Variants in AIG1 observed in about 807,000 individuals in gnomAD.
AIG1 encodes androgen-induced gene 1 protein.
Under a neutral mutation model 31.4 loss-of-function variants are expected in AIG1, and 23 were observed. The observed-to-expected ratio is 0.73, with a 90% CI of 0.53 to 1.04. The LOEUF is 1.04. AIG1 is among the 50% of genes least tolerant of loss of function. The pLI, the probability that AIG1 is intolerant of heterozygous loss-of-function variation, is 0.00. For missense variants in AIG1, 274 were observed against 295.0 expected (o/e 0.93, Z 0.52); for synonymous variants, 100 against 110.5 (o/e 0.90, Z 0.60).
At chr6:143,273,128 CAA>C (rs200300066) in intron 3 of AIG1, among the ~76,000 whole-genome samples, 1 of 149,982 alleles carries the variant, frequency 6.7e-6, no homozygotes, top group African/African-American at 2.4e-5. Context: ...GACTTCGTCT[CAA>C]AAAAAAATAT....
At chr6:143,322,424 T>C (rs892563715) in intron 4 of AIG1, among the ~76,000 whole-genome samples, 2 of 152,186 alleles carry the variant, frequency 1.3e-5, no homozygotes, top group Admixed American at 1.3e-4. Context: ...TACAGTGCCT[T>C]GCTAACCACA....
At chr6:143,251,624 C>A (rs964386232) in intron 3 of AIG1, among the ~76,000 whole-genome samples, 1 of 152,148 alleles carries the variant, frequency 6.6e-6, no homozygotes, top group Non-Finnish European at 1.5e-5. Flanking sequence ...TACCTATTTG[C>A]TGAATGAATA....
At chr6:143,147,073 C>T (rs948680525) in intron 2 of AIG1, among the ~76,000 whole-genome samples, 3 of 152,140 alleles carry the variant, frequency 2.0e-5, no homozygotes, top group Non-Finnish European at 4.4e-5. Flanking sequence ...CCAGAAGTTT[C>T]CCACCAGAGA....
intron 1 of AIG1, among the ~76,000 whole-genome samples, chr6:143,082,012 G>A (rs939411529): frequency 9.2e-5 from 14 of 151,790 alleles, no homozygotes; most frequent in African/African-American, 3.2e-4. Context: ...ATCTCTTTAG[G>A]TTTCTGTACA....
At chr6:143,251,754 C>T (rs1583629741) in intron 3 of AIG1, among the ~76,000 whole-genome samples, 1 of 152,186 alleles carries the variant, frequency 6.6e-6, no homozygotes, top group South Asian at 2.1e-4. Context: ...CCATCCTGGT[C>T]CTTGGCCTTT....
intron 3 of AIG1, among the ~76,000 whole-genome samples, chr6:143,230,035 T>G (rs1012842999): frequency 6.6e-6 from 1 of 152,216 alleles, no homozygotes; most frequent in Non-Finnish European, 1.5e-5. Context: ...ATATCTCATC[T>G]TCTTTCCATT....
chr6:143,169,599 C>T (rs1243179828), intron 3 of AIG1, among the ~76,000 whole-genome samples: 1 of 152,064 alleles, frequency 6.6e-6, no homozygotes, highest in Non-Finnish European at 1.5e-5. Flanking sequence ...CATACTCTCC[C>T]CTCCTGGCTA....
Position 143,338,265 on chromosome 6 carries a change from G to A in AIG1, c.680-1374G>A. The A allele has an allele frequency of 2.7e-6, 1 of 368,552 alleles. No individual in the cohort carries two copies. The highest frequency in any genetic ancestry group is 4.8e-6 in the Non-Finnish European group (1 of 207,706). 22.8% of individuals were successfully genotyped at this position (368,552 alleles called of 1,614,324 possible). A position where few individuals can be genotyped will look rare whatever the true frequency, so the allele number is the denominator to read the frequency against. On this transcript the variant is annotated intron_variant, in intron 5 of 5. Coordinates refer to ENST00000357847, the MANE Select transcript of AIG1 (RefSeq NM_016108.4). This position sits in a 1 kb window ranked among gnomAD's most constrained non-coding sequence, Gnocchi z 4.3. ...TTTCCGTGGTTACCCAACAACGAAGGCGTGTTGTACCTTCTTGCCTTCAAA... is the reference window on the plus strand; with the variant it reads ...TTTCCGTGGTTACCCAACAACGAAGACGTGTTGTACCTTCTTGCCTTCAAA...
At chr6:143,260,860 ATTCAT>A (rs1795724000) in intron 3 of AIG1, among the ~76,000 whole-genome samples, 1 of 152,194 alleles carries the variant, frequency 6.6e-6, no homozygotes, top group Non-Finnish European at 1.5e-5. Flanking sequence ...AAAGCCTGCA[ATTCAT>A]TGAACAGTAT....
At chr6:143,131,905 A>T (rs754890575) in intron 1 of AIG1, among the ~76,000 whole-genome samples, 3 of 152,218 alleles carry the variant, frequency 2.0e-5, no homozygotes, top group Non-Finnish European at 4.4e-5. Flanking sequence ...GCAATGGACA[A>T]CTAATACATT....
rs576599676 is a variant in AIG1, at chr6:143,280,410, A to G, written c.400-3700A>G. 7.2e-5 allele frequency among the ~76,000 whole-genome samples: 11 copies of G among 152,314 alleles called. No individual in the cohort carries two copies. In the South Asian group the frequency reaches 1.2e-3, roughly 17 times the overall value. ...GAATAGAAATCATTCTACCATAAAGATATATGTGCACAAATGTTCATTGCA... is the reference window on the plus strand; with the variant it reads ...GAATAGAAATCATTCTACCATAAAGGTATATGTGCACAAATGTTCATTGCA... On this transcript the variant is annotated intron_variant, in intron 3 of 5. Coordinates refer to ENST00000357847, the MANE Select transcript of AIG1 (RefSeq NM_016108.4). This position sits in a 1 kb window ranked among gnomAD's most constrained non-coding sequence, Gnocchi z 4.1.
chr6:143,233,457 A>G (rs918447017), intron 3 of AIG1, among the ~76,000 whole-genome samples: 4 of 152,018 alleles, frequency 2.6e-5, no homozygotes, highest in African/African-American at 9.7e-5. Context: ...CAAACCATAG[A>G]CAAGTTAAAT....
At chr6:143,261,379 G>A (rs985282416) in intron 3 of AIG1, among the ~76,000 whole-genome samples, 38 of 152,076 alleles carry the variant, frequency 2.5e-4, no homozygotes, top group Admixed American at 3.9e-4. Context: ...TGATCCACCC[G>A]CCTCGGCCTC....
At chr6:143,232,390 C>A (rs1003134929) in intron 3 of AIG1, among the ~76,000 whole-genome samples, 1 of 152,130 alleles carries the variant, frequency 6.6e-6, no homozygotes, top group African/African-American at 2.4e-5. Context: ...CCATGAAGTG[C>A]GGTTCTTAGT....
intron 1 of AIG1, among the ~76,000 whole-genome samples, chr6:143,089,847 C>G (rs1779141315): frequency 6.6e-6 from 1 of 152,160 alleles, no homozygotes; most frequent in South Asian, 2.1e-4. Context: ...TGATCCACCC[C>G]CATAACTCAA....
chr6:143,278,523 C>T (rs1365659075), intron 3 of AIG1, among the ~76,000 whole-genome samples: 4 of 148,366 alleles, frequency 2.7e-5, no homozygotes, highest in South Asian at 4.3e-4. Flanking sequence ...GGCTGCAGTG[C>T]GGTGGCGTGA....
intron 3 of AIG1, among the ~76,000 whole-genome samples, chr6:143,196,350 A>AACACACGCGCGC: frequency 7.1e-6 from 1 of 141,720 alleles, no homozygotes; most frequent in Admixed American, 7.1e-5. Context: ...CAACAAAAGC[A>AACACACGCGCGC]ACACACACAC....
chr6:143,184,822 T>C (rs1445453174), intron 3 of AIG1, among the ~76,000 whole-genome samples: 1 of 152,230 alleles, frequency 6.6e-6, no homozygotes, highest in Non-Finnish European at 1.5e-5. Context: ...ATCTTATCTT[T>C]ATGCTTCTTT....
chr6:143,076,941 G>A (rs1034185997), intron 1 of AIG1, among the ~76,000 whole-genome samples: 1 of 152,140 alleles, frequency 6.6e-6, no homozygotes, highest in African/African-American at 2.4e-5. Flanking sequence ...AAAGTGCTGG[G>A]ATTACAGGTG....
Sources: gnomAD v4.1 joint callset for allele counts (sites outside exome capture counted in the v4.1 genomes callset) on GRCh38, gnomAD v4.1.1 for gene constraint, Gnocchi (gnomAD v3.1) non-coding constraint, MANE v1.5 for transcripts, NCBI Gene and HGNC (gene_info 2026-07-23, HGNC 2026-07-21) for gene names.